GLIS1: variants seen among roughly 807,000 people sequenced by gnomAD.
The protein encoded by GLIS1 is zinc finger protein GLIS1.
In GLIS1, 24 loss-of-function variants were observed where a neutral mutation model predicts 63.8. The ratio of observed to expected loss-of-function variants is 0.38; its 90% CI spans 0.27 to 0.53. GLIS1 has a LOEUF of 0.53. Ranked by LOEUF, GLIS1 falls within the 20% of genes least tolerant of loss-of-function variation. The pLI is 0.85. For synonymous variants in GLIS1, 450 were observed against 482.5 expected (o/e 0.93, Z 0.88); for missense variants, 1,036 against 1,074.1 (o/e 0.96, Z 0.50).
intron 2 of GLIS1, among the ~76,000 whole-genome samples, chr1:53,737,089 A>G (rs1646919769): frequency 2.0e-5 from 3 of 152,306 alleles, no homozygotes; most frequent in South Asian, 2.1e-4. Flanking sequence ...ATAATAATTA[A>G]CTGTGATGAG....
intron 2 of GLIS1, among the ~76,000 whole-genome samples, chr1:53,635,633 C>T (rs1433443575): frequency 4.0e-5 from 6 of 151,150 alleles, no homozygotes; most frequent in African/African-American, 1.5e-4. Flanking sequence ...CAGGCACACA[C>T]TACAATAGGA....
intron 7 of GLIS1, among the ~76,000 whole-genome samples, chr1:53,518,545 C>G (rs772863475): frequency 1.3e-5 from 2 of 152,142 alleles, no homozygotes; most frequent in African/African-American, 4.8e-5. Flanking sequence ...TGTAAGTGAC[C>G]GCATCCATGA....
rs1645841530 is a variant in GLIS1, at chr1:53,646,058, C to G, written c.260-45780G>C. On this transcript the variant is annotated intron_variant, in intron 2 of 10. Coordinates refer to ENST00000628545, the MANE Select transcript of GLIS1 (RefSeq NM_001367484.1). This position sits in a 1 kb window ranked among gnomAD's most constrained non-coding sequence, Gnocchi z 4.2. Reference sequence around the variant, plus strand: ...TAGAGACACCTGCAACATCCAGCAACATAATGCTGAATTTAAAAAGCAAAT... The same window carrying G: ...TAGAGACACCTGCAACATCCAGCAAGATAATGCTGAATTTAAAAAGCAAAT... Among the ~76,000 whole-genome samples, 1 of 152,152 alleles carries G rather than the reference C, an allele frequency of 6.6e-6. No homozygotes were observed. The highest frequency in any genetic ancestry group is 2.4e-5 in the African/African-American group (1 of 41,416).
In GLIS1 at chr1:53,646,957, GAAGGA is replaced by G. The variant is rs1207664478; in HGVS notation, c.260-46684_260-46680del. ...AGAAGGAAGGAAAGGGAAGGGAAGG[GAAGGA>G]AAGGAAGGAAAGGAAGGAAAGGAAG... On this transcript the variant is annotated intron_variant, in intron 2 of 10. Transcript: ENST00000628545. The surrounding 1 kb of genome is among the most constrained non-coding windows in gnomAD (Gnocchi z 4.2). Among the ~76,000 whole-genome samples, 5 of 99,482 alleles carry G rather than the reference GAAGGA, an allele frequency of 5.0e-5. No individual in the cohort carries two copies. Among genetic ancestry groups the G allele is most frequent in the African/African-American group, 2.2e-4 (5 of 22,224 alleles). 65.3% of individuals were successfully genotyped at this position (99,482 alleles called of 152,430 possible).
At chr1:53,696,460 C>T (rs998180118) in intron 2 of GLIS1, among the ~76,000 whole-genome samples, 1 of 152,218 alleles carries the variant, frequency 6.6e-6, no homozygotes, top group Admixed American at 6.5e-5. Context: ...GGATCCACGA[C>T]CCAGACCCAT....
intron 2 of GLIS1, among the ~76,000 whole-genome samples, chr1:53,665,351 GTGT>G (rs1216346901): frequency 6.6e-6 from 1 of 152,158 alleles, no homozygotes; most frequent in Non-Finnish European, 1.5e-5. Context: ...CATTTTGGAT[GTGT>G]TAAGTTGGAG....
intron 4 of GLIS1, among the ~76,000 whole-genome samples, chr1:53,572,711 C>T (rs1308687261): frequency 6.6e-6 from 1 of 152,234 alleles, no homozygotes. Context: ...GGCAAGGAGC[C>T]AGCAGGATGG....
intron 2 of GLIS1, among the ~76,000 whole-genome samples, chr1:53,667,963 C>T (rs1646111750): frequency 6.6e-6 from 1 of 152,164 alleles, no homozygotes; most frequent in African/African-American, 2.4e-5. Context: ...ATTTCATTAC[C>T]ATTGCCCTCA....
intron 9 of GLIS1, among the ~76,000 whole-genome samples, 160 bp downstream of exon 9, chr1:53,509,689 C>CT (rs1202164883): frequency 1.3e-5 from 2 of 152,222 alleles, no homozygotes; most frequent in Non-Finnish European, 2.9e-5. Flanking sequence ...AGCTGGGCCT[C>CT]TTATGTCCCC....
intron 2 of GLIS1, among the ~76,000 whole-genome samples, chr1:53,601,558 G>A (rs892109995): frequency 9.2e-5 from 14 of 152,140 alleles, no homozygotes; most frequent in Non-Finnish European, 1.6e-4. Context: ...CAGGGCTGGG[G>A]ACACACACCA....
chr1:53,647,557 C>T (rs1336685972), intron 2 of GLIS1, among the ~76,000 whole-genome samples: 2 of 152,046 alleles, frequency 1.3e-5, no homozygotes, highest in East Asian at 3.8e-4. Flanking sequence ...ATCCAGAGAG[C>T]CTCCTCGTAT....
intron 4 of GLIS1, among the ~76,000 whole-genome samples, chr1:53,573,360 G>A (rs532149966): frequency 6.6e-6 from 1 of 151,984 alleles, no homozygotes; most frequent in Non-Finnish European, 1.5e-5. Flanking sequence ...GCGGTGGGGG[G>A]AGACCCTCCA....
At position 53,557,063 on chromosome 1, in the gene GLIS1, C is replaced by T. The variant is rs147337623; in HGVS notation, c.1321-27111G>A. Among the ~76,000 whole-genome samples the T allele has an allele frequency of 2.2e-4, 33 of 151,918 alleles. No individual in the cohort carries two copies. The East Asian group carries it at 6.2e-3, about 28-fold the overall frequency. ...ATGTGTGTGAGTGTGTTCAGGTACA[C>T]TGCAGGTGAGCATATGTGTGTGCAG... On this transcript the variant is annotated intron_variant, in intron 4 of 10. Transcript: ENST00000628545.
intron 4 of GLIS1, among the ~76,000 whole-genome samples, chr1:53,566,109 C>T (rs1040929351): frequency 1.3e-5 from 2 of 152,076 alleles, no homozygotes; most frequent in African/African-American, 2.4e-5. Flanking sequence ...TTAGAAAGAG[C>T]ATTTGATAAA....
chr1:53,637,251 G>A (rs1033101735), intron 2 of GLIS1, among the ~76,000 whole-genome samples: 3 of 152,170 alleles, frequency 2.0e-5, no homozygotes, highest in Non-Finnish European at 4.4e-5. Flanking sequence ...ACCTCACCCA[G>A]CCACAAGGTC....
chr1:53,632,639 T>A (rs755594395), intron 2 of GLIS1, among the ~76,000 whole-genome samples: 1 of 138,600 alleles, frequency 7.2e-6, no homozygotes, highest in Non-Finnish European at 1.5e-5. Context: ...TGAATGAGTG[T>A]GATTGAGGGG....
intron 2 of GLIS1, among the ~76,000 whole-genome samples, chr1:53,698,374 T>G (rs2100484613): frequency 6.6e-6 from 1 of 152,320 alleles, no homozygotes; most frequent in South Asian, 2.1e-4. Context: ...AGCCTCTGCT[T>G]CTACATCCCC....
At chr1:53,628,639 G>T (rs1286282939) in intron 2 of GLIS1, among the ~76,000 whole-genome samples, 1 of 152,130 alleles carries the variant, frequency 6.6e-6, no homozygotes, top group African/African-American at 2.4e-5. Flanking sequence ...TCAAGATCAA[G>T]CGGGATGTGC....
intron 2 of GLIS1, among the ~76,000 whole-genome samples, chr1:53,605,321 C>T (rs1454632111): frequency 3.3e-5 from 5 of 152,178 alleles, no homozygotes; most frequent in Non-Finnish European, 7.3e-5. Context: ...GGCACACATC[C>T]TCGGCATCCC....
Sources: gnomAD v4.1 joint callset for allele counts (sites outside exome capture counted in the v4.1 genomes callset) on GRCh38, gnomAD v4.1.1 for gene constraint, Gnocchi (gnomAD v3.1) non-coding constraint, MANE v1.5 for transcripts, NCBI Gene and HGNC (gene_info 2026-07-23, HGNC 2026-07-21) for gene names.